STARD3: variants seen among roughly 807,000 people sequenced by gnomAD.
The protein encoded by STARD3 is StAR related lipid transfer domain containing 3.
Under a neutral mutation model 62.0 loss-of-function variants are expected in STARD3, and 39 were observed. The observed-to-expected ratio is 0.63, with a 90% confidence interval of 0.49 to 0.82. STARD3 has a LOEUF of 0.82. STARD3 is among the 40% of genes least tolerant of loss of function. The pLI, the probability that STARD3 is intolerant of heterozygous loss-of-function variation, is 0.00. For synonymous variants in STARD3, 229 were observed against 242.4 expected (o/e 0.94, Z 0.51); for missense variants, 543 against 584.5 (o/e 0.93, Z 0.73).
At chr17:39,647,170 G>A (rs1321829198) in intron 1 of STARD3, among the ~76,000 whole-genome samples, 2 of 151,682 alleles carry the variant, frequency 1.3e-5, no homozygotes, top group Non-Finnish European at 2.9e-5. Flanking sequence ...CTGCACTCCA[G>A]CCTGGTGACA....
At chr17:39,654,971 C>T (rs1361603529) in intron 2 of STARD3, among the ~76,000 whole-genome samples, 1 of 152,190 alleles carries the variant, frequency 6.6e-6, no homozygotes, top group African/African-American at 2.4e-5. Flanking sequence ...TGAGCTGGAG[C>T]CATGGCCATG....
chr17:39,648,241 C>T (rs1435579306), intron 1 of STARD3, among the ~76,000 whole-genome samples: 1 of 152,198 alleles, frequency 6.6e-6, no homozygotes, highest in East Asian at 1.9e-4. Flanking sequence ...GAGCCTAGAT[C>T]GCGCCACTGC....
At chr17:39,638,185 C>T (rs1201305561) in intron 1 of STARD3, among the ~76,000 whole-genome samples, 2 of 152,212 alleles carry the variant, frequency 1.3e-5, no homozygotes, top group Non-Finnish European at 2.9e-5. Flanking sequence ...AAACCTGGGC[C>T]AGCTCCATCT....
intron 1 of STARD3, among the ~76,000 whole-genome samples, chr17:39,641,261 G>C (rs1597786660): frequency 6.6e-6 from 1 of 152,180 alleles, no homozygotes; most frequent in Admixed American, 6.5e-5. Flanking sequence ...CTGTGGCTGT[G>C]ACTTGGACCT....
chr17:39,656,478 C>T (rs1424916579), intron 2 of STARD3, among the ~76,000 whole-genome samples: 5 of 152,126 alleles, frequency 3.3e-5, no homozygotes, highest in South Asian at 2.1e-4. Context: ...ACATCCACTC[C>T]GTCTCCACTT....
intron 1 of STARD3, among the ~76,000 whole-genome samples, chr17:39,645,028 T>C (rs1343560708): frequency 3.3e-5 from 5 of 152,124 alleles, no homozygotes; most frequent in Non-Finnish European, 5.9e-5. Context: ...GCCTGAGATT[T>C]GTGGAAATTG....
In STARD3 at chr17:39,660,333, G is replaced by C. The variant is rs532371201; in HGVS notation, c.858+60G>C. The C allele has an allele frequency of 1.1e-5, 18 of 1,612,540 alleles. No homozygotes were observed. In the African/African-American group the frequency reaches 2.3e-4, roughly 20 times the overall value. The stretch of plus-strand genomic sequence containing the variant: ...ACAGCACAGGAGGCTCCAGGAAGGT[G>C]CCGAGGGGCCCTCTGGTGGGTGCCC... On this transcript the variant is annotated intron_variant, in intron 10 of 14. Coordinates refer to ENST00000336308, the MANE Select transcript of STARD3 (RefSeq NM_006804.4). This position sits in a 1 kb window ranked among gnomAD's most constrained non-coding sequence, Gnocchi z 4.8.
intron 2 of STARD3, among the ~76,000 whole-genome samples, chr17:39,655,485 C>T (rs2057118306): frequency 6.6e-6 from 1 of 152,014 alleles, no homozygotes; most frequent in Admixed American, 6.6e-5. Flanking sequence ...TGCCTGGCCT[C>T]TGTAATTGTG....
chr17:39,654,066 G>A (rs2057103796), intron 2 of STARD3, among the ~76,000 whole-genome samples: 1 of 152,228 alleles, frequency 6.6e-6, no homozygotes, highest in African/African-American at 2.4e-5. Context: ...CGAGAGAGGA[G>A]GAGGGGGAGA....
Position 39,653,662 on chromosome 17 carries a change from G to A in STARD3, c.131G>A (p.Arg44Lys). The A allele has an allele frequency of 1.2e-6, 2 of 1,614,116 alleles. No homozygotes were observed. Among genetic ancestry groups the A allele is most frequent in the Non-Finnish European group, 1.7e-6 (2 of 1,180,024 alleles). The change falls in exon 2 of 15, where the codon AGG (arginine) becomes AAG (lysine). Residue 44 changes from arginine (R) to lysine (K), a missense_variant. Arg to Lys is a conservative substitution (Grantham distance 26, BLOSUM62 2). Coordinates refer to ENST00000336308, the MANE Select transcript of STARD3 (RefSeq NM_006804.4). ...CTCCTTCCGCCGCCTGAGAAGCGAA[G>A]GGCCATCTCTGATGTCCGCCGCACC... ...SHLLPPPEKR[R>K]AISDVRRTFC... is the part of the protein sequence containing the mutation.
At position 39,659,495 on chromosome 17, in the gene STARD3, C is replaced by T. The variant is rs771727347; in HGVS notation, c.737C>T (p.Thr246Met). The change falls in exon 9 of 15, where the codon ACG becomes ATG. Residue 246 changes from threonine (T) to methionine (M), a missense_variant. By Grantham distance (81) the Thr-to-Met change is moderately conservative (BLOSUM62 -1). Coordinates refer to ENST00000336308, the MANE Select transcript of STARD3 (RefSeq NM_006804.4). The part of the protein sequence containing the change: ...REYIRQGKEA[T>M]AVVDQILAQE... ...TACATCCGCCAGGGGAAGGAGGCCA[C>T]GGCAGTGGTGGACCAGATCTTGGCC... is the stretch of plus-strand genomic sequence containing the variant. The T allele has an allele frequency of 2.2e-5, 35 of 1,613,980 alleles. No individual in the cohort carries two copies. The highest frequency in any genetic ancestry group is 1.2e-4 in the Admixed American group (7 of 60,002).
intron 13 of STARD3, 192 bp downstream of exon 13, chr17:39,661,277 G>A (rs981095434): frequency 2.9e-5 from 18 of 610,190 alleles, no homozygotes; most frequent in South Asian, 7.8e-5. Flanking sequence ...GAGATGGGGG[G>A]TGGTGGACAG....
Sources: gnomAD v4.1 joint callset for allele counts (sites outside exome capture counted in the v4.1 genomes callset) on GRCh38, gnomAD v4.1.1 for gene constraint, Gnocchi (gnomAD v3.1) non-coding constraint, MANE v1.5 for transcripts, NCBI Gene and HGNC (gene_info 2026-07-23, HGNC 2026-07-21) for gene names.